The following NFIL3 variants were observed in gnomAD, a reference collection of about 807,000 sequenced individuals.
NFIL3 encodes the protein nuclear factor interleukin-3-regulated protein.
NFIL3 carries 5 observed loss-of-function variants against 10.0 expected under a neutral mutation model. The observed-to-expected ratio is 0.50, with a 90% confidence interval of 0.26 to 1.06. NFIL3 has a LOEUF of 1.06. Ranked by LOEUF, NFIL3 falls within the 50% of genes least tolerant of loss-of-function variation. NFIL3 has a pLI of 0.13. For missense variants in NFIL3, 436 were observed against 547.6 expected, an observed-to-expected ratio of 0.80 and a Z score of 2.03; for synonymous variants, 202 against 206.5, an observed-to-expected ratio of 0.98 and a Z score of 0.19.
chr9:91,413,563 T>C (rs1833597832), intron 1 of NFIL3, among the ~76,000 whole-genome samples: 1 of 152,202 alleles, frequency 6.6e-6, no homozygotes, highest in Non-Finnish European at 1.5e-5. Context: ...CAATACTATT[T>C]CCTCTAATTT....
chr9:91,424,053 G>A (rs1196021627), upstream of NFIL3, among the ~76,000 whole-genome samples: 1 of 136,318 alleles, frequency 7.3e-6, no homozygotes, highest in African/African-American at 2.8e-5. Flanking sequence ...GTCCCTCCCC[G>A]GCCAGGGCCA....
chr9:91,417,240 T>C (rs1335081254), intron 1 of NFIL3, among the ~76,000 whole-genome samples: 2 of 152,140 alleles, frequency 1.3e-5, no homozygotes, highest in East Asian at 1.9e-4. Context: ...CCCTCTACTC[T>C]CTGAATGTAT....
At chr9:91,467,499 G>C in the NFIL3 span, among the ~76,000 whole-genome samples, 3 of 151,918 alleles carry the variant, frequency 2.0e-5, no homozygotes, top group African/African-American at 4.8e-5. Flanking sequence ...TCACTTATTA[G>C]TTACAACAGG....
chr9:91,470,834 G>C, the NFIL3 span, among the ~76,000 whole-genome samples: 3 of 152,190 alleles, frequency 2.0e-5, no homozygotes, highest in Non-Finnish European at 4.4e-5. Context: ...GTGGTTTTGA[G>C]TGAGTTTCTC....
intron 1 of NFIL3, among the ~76,000 whole-genome samples, chr9:91,422,095 G>A (rs756707953): frequency 4.6e-5 from 7 of 152,314 alleles, no homozygotes; most frequent in Non-Finnish European, 1.0e-4. Context: ...AAGAACAGAA[G>A]ATGACACTTG....
At chr9:91,451,777 G>T in the NFIL3 span, among the ~76,000 whole-genome samples, 3 of 152,176 alleles carry the variant, frequency 2.0e-5, no homozygotes, top group African/African-American at 7.2e-5. Context: ...AATTGGCCCT[G>T]CGGGATTCAG....
chr9:91,409,636 T>C lies in NFIL3; in HGVS notation c.1099A>G (p.Lys367Glu). 1 of 1,614,238 alleles carries C rather than the reference T, an allele frequency of 6.2e-7. No homozygotes were observed. The highest frequency in any genetic ancestry group is 8.5e-7 in the Non-Finnish European group (1 of 1,180,030). Residue 367 changes from lysine (K) to glutamate (E), a missense_variant, in exon 2 of 2, where the codon AAG becomes GAG. Around this residue, in one of 3 missense-constraint regions of NFIL3, gnomAD observed 338 missense variants for 399.9 expected, o/e 0.85. Coordinates refer to ENST00000297689, the MANE Select transcript of NFIL3 (RefSeq NM_005384.3). The stretch of plus-strand genomic sequence containing the variant: ...TGTACCATACTTGGGGCACTATGCT[T>C]TTCGAGTTCGAAATGTCTTTTAGAT... ...MTSKRHFELEKHSAPSMVHSS... is the reference protein window; with the variant it reads ...MTSKRHFELEEHSAPSMVHSS...
chr9:91,410,915 C>T lies in NFIL3; in HGVS notation c.-172-9G>A, dbSNP rs1833535859. On this transcript the variant is annotated splice_polypyrimidine_tract_variant and intron_variant, in intron 1 of 1. Transcript: ENST00000297689. The surrounding 1 kb of genome is among the most constrained non-coding windows in gnomAD (Gnocchi z 5.7). ...TGGGCCTCCTTCGTTATCTGCAATA[C>T]ATGAATAAAAAAAAAACCAGTTATT... 1.9e-6 allele frequency: 1 copy of T among 533,880 alleles called. No individual in the cohort carries two copies. Among genetic ancestry groups the T allele is most frequent in the African/African-American group, 2.0e-5 (1 of 50,192 alleles). The allele number at this position is 533,880 out of a possible 1,614,324, so 33.1% of individuals were successfully genotyped here.
the NFIL3 span, among the ~76,000 whole-genome samples, chr9:91,455,360 T>A: frequency 6.6e-6 from 1 of 152,200 alleles, no homozygotes; most frequent in South Asian, 2.1e-4. Flanking sequence ...TTGTAGTTAT[T>A]CTGTAAGGAA....
At chr9:91,440,370 T>C in the NFIL3 span, among the ~76,000 whole-genome samples, 1 of 152,050 alleles carries the variant, frequency 6.6e-6, no homozygotes, top group African/African-American at 2.4e-5. Context: ...AATATCATTT[T>C]TTATTTTATT....
chr9:91,417,595 T>C (rs115709918), intron 1 of NFIL3, among the ~76,000 whole-genome samples: 1 of 152,270 alleles, frequency 6.6e-6, no homozygotes, highest in Admixed American at 6.5e-5. Flanking sequence ...TCACTATACA[T>C]GTACAACCCA....
chr9:91,422,638 G>A (rs539990489), intron 1 of NFIL3, among the ~76,000 whole-genome samples: 12 of 152,116 alleles, frequency 7.9e-5, no homozygotes, highest in Non-Finnish European at 1.5e-4. Flanking sequence ...GATTTGTCTT[G>A]TCGTGTCTGA....
the NFIL3 span, among the ~76,000 whole-genome samples, chr9:91,438,065 A>T: frequency 1.3e-5 from 2 of 152,046 alleles, no homozygotes; most frequent in South Asian, 4.1e-4. Context: ...CCTATTTTTA[A>T]TTTTTTTGGA....
At chr9:91,442,430 C>T in the NFIL3 span, among the ~76,000 whole-genome samples, 1 of 152,186 alleles carries the variant, frequency 6.6e-6, no homozygotes, top group Non-Finnish European at 1.5e-5. Context: ...GCAGTGTCCT[C>T]TGCCTGAGTA....
Position 91,420,352 on chromosome 9 carries a change from T to TACTCACACAC in NFIL3, c.-173+3287_-173+3288insGTGTGTGAGT, listed in dbSNP as rs1554727360. 2.0e-3 allele frequency among the ~76,000 whole-genome samples: 283 copies of TACTCACACAC among 144,498 alleles called. 1 individual carries two copies. Among genetic ancestry groups the TACTCACACAC allele is most frequent in the Non-Finnish European group, 1.1e-3 (69 of 65,368 alleles). The allele number at this position is 144,498 out of a possible 152,430, so 94.8% of individuals were successfully genotyped here. On this transcript the variant is annotated intron_variant, in intron 1 of 1. Transcript: ENST00000297689. ...TTACAAAGAGAAAAATGAAGGTAAA[T>TACTCACACAC]ACACACACACACACACACACACACA...
chr9:91,412,965 G>C lies in NFIL3; in HGVS notation c.-172-2059C>G, dbSNP rs538899623. Among the ~76,000 whole-genome samples, 108 of 152,056 alleles carry C rather than the reference G, an allele frequency of 7.1e-4. 1 individual carries two copies. The highest frequency in any genetic ancestry group is 2.5e-3 in the African/African-American group (102 of 41,480). The stretch of plus-strand genomic sequence containing the variant: ...AAGTTTACTTTTATCAATTGGAAAA[G>C]CCTGCCAGCTTCTTTTGTCTTTTCC... On this transcript the variant is annotated intron_variant, in intron 1 of 1. Transcript: ENST00000297689.
At chr9:91,428,989 G>A in the NFIL3 span, among the ~76,000 whole-genome samples, 1 of 152,214 alleles carries the variant, frequency 6.6e-6, no homozygotes, top group Admixed American at 6.5e-5. Context: ...AAATCTTGGC[G>A]ATGGAGCAAG....
the NFIL3 span, among the ~76,000 whole-genome samples, chr9:91,460,559 G>A: frequency 6.6e-6 from 1 of 152,098 alleles, no homozygotes. Flanking sequence ...TTACGGGTGT[G>A]AGCCACCACG....
At chr9:91,443,144 A>G in the NFIL3 span, among the ~76,000 whole-genome samples, 1 of 152,152 alleles carries the variant, frequency 6.6e-6, no homozygotes, top group African/African-American at 2.4e-5. Flanking sequence ...TACTTTCCAT[A>G]GGCAGGTCAT....
Sources: gnomAD v4.1 joint callset for allele counts (sites outside exome capture counted in the v4.1 genomes callset) on GRCh38, gnomAD v4.1.1 for gene constraint, gnomAD v4.1.1 regional missense constraint, Gnocchi (gnomAD v3.1) non-coding constraint, MANE v1.5 for transcripts, NCBI Gene and HGNC (gene_info 2026-07-23, HGNC 2026-07-21) for gene names.